The following ATP11A variants were observed in gnomAD, a reference collection of about 807,000 sequenced individuals.
ATP11A encodes the protein ATPase phospholipid transporting 11A.
ATP11A carries 81 observed loss-of-function variants against 154.4 expected under a neutral mutation model. The ratio of observed to expected loss-of-function variants is 0.52; its 90% confidence interval spans 0.44 to 0.63. The LOEUF is 0.63. ATP11A is among the 30% of genes least tolerant of loss of function. The probability of loss-of-function intolerance (pLI) is 0.00; values close to 1 mark genes in which losing one functional copy is unlikely to be tolerated. For synonymous variants in ATP11A, 623 were observed against 585.9 expected (o/e 1.06, Z -0.91); for missense variants, 1,316 against 1,474.3 (o/e 0.89, Z 1.76).
intron 1 of ATP11A, among the ~76,000 whole-genome samples, chr13:112,751,310 TA>T (rs2076685349): frequency 6.6e-6 from 1 of 152,248 alleles, no homozygotes; most frequent in Admixed American, 6.5e-5. Flanking sequence ...GCCATTTGTT[TA>T]TTGGGCTGTT....
At chr13:112,722,927 C>T (rs956694129) in intron 1 of ATP11A, among the ~76,000 whole-genome samples, 17 of 152,084 alleles carry the variant, frequency 1.1e-4, no homozygotes, top group African/African-American at 2.9e-4. Flanking sequence ...TTCAGAAATG[C>T]TTTACTTTTT....
intron 12 of ATP11A, among the ~76,000 whole-genome samples, chr13:112,830,414 A>G (rs1213866949): frequency 6.6e-6 from 1 of 152,058 alleles, no homozygotes; most frequent in Non-Finnish European, 1.5e-5. Flanking sequence ...CATCTCTACT[A>G]AAAATACAAA....
intron 16 of ATP11A, among the ~76,000 whole-genome samples, chr13:112,840,335 AGACTCAGCCTCCCCACTCTCCCG>A (rs1282267490): frequency 1.7e-4 from 19 of 114,932 alleles, no homozygotes; most frequent in African/African-American, 3.8e-4. Context: ...CGTGCCCTCC[AGACTCAGCCTCCCCACTCTCCCG>A]TGCCTTCCAG....
chr13:112,811,199 C>T (rs2078488624), intron 5 of ATP11A, among the ~76,000 whole-genome samples: 1 of 151,304 alleles, frequency 6.6e-6, no homozygotes, highest in South Asian at 2.1e-4. Context: ...CACACACACA[C>T]ACACACAGCC....
At chr13:112,740,167 T>G (rs1046394809) in intron 1 of ATP11A, among the ~76,000 whole-genome samples, 16 of 149,440 alleles carry the variant, frequency 1.1e-4, no homozygotes, top group Non-Finnish European at 2.1e-4. Context: ...TATATATATA[T>G]ATAGATATCT....
intron 2 of ATP11A, among the ~76,000 whole-genome samples, chr13:112,803,915 TC>T (rs1398648466): frequency 1.7e-4 from 10 of 57,246 alleles, no homozygotes; most frequent in African/African-American, 5.3e-4. Context: ...TTCACCTCCC[TC>T]CCCCCATCCC....
At chr13:112,860,668 G>T in intron 24 of ATP11A, 1 of 386,748 alleles carries the variant, frequency 2.6e-6, no homozygotes, top group Non-Finnish European at 4.7e-6. Context: ...ACTTTCCTGT[G>T]CTTTCTGACA....
intron 6 of ATP11A, among the ~76,000 whole-genome samples, 177 bp from the exon 7 acceptor site, chr13:112,819,127 T>C (rs1432094930): frequency 1.3e-5 from 2 of 152,222 alleles, no homozygotes; most frequent in Non-Finnish European, 2.9e-5. Flanking sequence ...AGGATGAGAA[T>C]TTTCTGGCAC....
intron 2 of ATP11A, among the ~76,000 whole-genome samples, chr13:112,790,887 A>T (rs1202455888): frequency 6.6e-6 from 1 of 152,222 alleles, no homozygotes; most frequent in African/African-American, 2.4e-5. Flanking sequence ...ATTGCAAAAA[A>T]TTTTAATAGC....
chr13:112,819,526 C>A, intron 7 of ATP11A, 119 bp downstream of exon 7: 2 of 809,672 alleles, frequency 2.5e-6, no homozygotes, highest in East Asian at 2.7e-5. Context: ...TAAATCACTG[C>A]TTAAAGATTA....
chr13:112,718,504 T>TG (rs1220949481), intron 1 of ATP11A, among the ~76,000 whole-genome samples: 1 of 152,156 alleles, frequency 6.6e-6, no homozygotes, highest in African/African-American at 2.4e-5. Context: ...CCGCCTCCGC[T>TG]GGGGGTCCTC....
At chr13:112,728,303 G>A (rs1010997417) in intron 1 of ATP11A, among the ~76,000 whole-genome samples, 3 of 151,856 alleles carry the variant, frequency 2.0e-5, no homozygotes, top group Admixed American at 6.5e-5. Context: ...GTATCCACGC[G>A]TGGATGGGCC....
At chr13:112,789,138 A>G in intron 2 of ATP11A, among the ~76,000 whole-genome samples, 1 of 147,670 alleles carries the variant, frequency 6.8e-6, no homozygotes, top group South Asian at 2.1e-4. Context: ...TGGTAGACCT[A>G]CTTAATTCAC....
chr13:112,881,772 G>C, intron 29 of ATP11A, 104 bp from the exon 30 acceptor site: 1 of 1,356,104 alleles, frequency 7.4e-7, no homozygotes, highest in Non-Finnish European at 9.9e-7. Context: ...AGGCAGCCCC[G>C]TGGGTATCCC....
Position 112,884,193 on chromosome 13 carries a change from T to C in ATP11A, c.*2327T>C, listed in dbSNP as rs902037494. The stretch of plus-strand genomic sequence containing the variant: ...CTTTTCTTGGTATTTCTGGTGGCAG[T>C]GATTAGTTGAACAGCACATTTAAGG... On this transcript the variant is annotated 3_prime_UTR_variant, in exon 30 of 30. Transcript: ENST00000375645. The C allele has an allele frequency of 6.6e-6, 1 of 151,730 alleles. No individual in the cohort carries two copies. Among genetic ancestry groups the C allele is most frequent in the African/African-American group, 2.5e-5 (1 of 40,574 alleles). 9.4% of individuals were successfully genotyped at this position (151,730 alleles called of 1,614,324 possible). A position where few individuals can be genotyped will look rare whatever the true frequency, so the allele number is the denominator to read the frequency against.
At chr13:112,819,074 C>T (rs2078723964) in intron 6 of ATP11A, among the ~76,000 whole-genome samples, 1 of 152,244 alleles carries the variant, frequency 6.6e-6, no homozygotes, top group African/African-American at 2.4e-5. Context: ...GCATTGCTAT[C>T]TGTCCTGTTA....
At position 112,690,822 on chromosome 13, in the gene ATP11A, C is replaced by T. The variant is rs1885073032; in HGVS notation, c.39+367C>T. 1.3e-5 allele frequency among the ~76,000 whole-genome samples: 2 copies of T among 152,152 alleles called. No homozygotes were observed. Among genetic ancestry groups the T allele is most frequent in the African/African-American group, 4.8e-5 (2 of 41,444 alleles). ...GCCCGGAGGGAGCCAACTTCGACCC[C>T]GCCGGGGCCCGGGTCTGGGGAGGAA... On this transcript the variant is annotated intron_variant, in intron 1 of 29. Coordinates refer to ENST00000375645, the MANE Select transcript of ATP11A (RefSeq NM_015205.3). The surrounding 1 kb of genome is among the most constrained non-coding windows in gnomAD (Gnocchi z 5.6).
intron 1 of ATP11A, among the ~76,000 whole-genome samples, chr13:112,707,843 C>A (rs1452352227): frequency 6.6e-6 from 1 of 152,114 alleles, no homozygotes; most frequent in African/African-American, 2.4e-5. Flanking sequence ...GCCAAACTTG[C>A]ACCAAAAAAA....
Position 112,806,273 on chromosome 13 carries a change from A to G in ATP11A, c.313A>G (p.Thr105Ala). ...TSGLPLFFVI[T>A]VTAIKQGYED... ...CGGACTTCCACTCTTCTTTGTCATTACTGTGACGGCTATCAAACAGGTAAG... is the reference window on the plus strand; with the variant it reads ...CGGACTTCCACTCTTCTTTGTCATTGCTGTGACGGCTATCAAACAGGTAAG... The change falls in exon 4 of 30, where the codon ACT becomes GCT. Residue 105 changes from threonine to alanine, a missense_variant. Thr to Ala is a moderately conservative substitution (Grantham distance 58). Around this residue, in one of 5 missense-constraint regions of ATP11A, gnomAD observed 876 missense variants for 1,006.8 expected, o/e 0.87. Coordinates refer to ENST00000375645, the MANE Select transcript of ATP11A (RefSeq NM_015205.3). 1 of 1,613,370 alleles carries G rather than the reference A, an allele frequency of 6.2e-7. No homozygotes were observed. The highest frequency in any genetic ancestry group is 1.1e-5 in the South Asian group (1 of 90,992).
Sources: allele counts gnomAD v4.1 joint callset (sites outside exome capture counted in the v4.1 genomes callset), GRCh38; gene constraint gnomAD v4.1.1; regional missense constraint gnomAD v4.1.1; non-coding constraint Gnocchi (gnomAD v3.1); transcripts MANE v1.5; gene names NCBI Gene and HGNC (gene_info 2026-07-23, HGNC 2026-07-21).